TMEM131L: variants seen among roughly 807,000 people sequenced by gnomAD.
TMEM131L encodes transmembrane 131 like.
A neutral mutation model predicts 192.2 loss-of-function variants in TMEM131L; 54 were observed. The observed-to-expected ratio is 0.28, with a 90% CI of 0.23 to 0.35. The LOEUF (loss-of-function observed/expected upper bound fraction) is 0.35, where lower values mean the gene tolerates loss of function less well. TMEM131L is among the 10% of genes least tolerant of loss of function. The pLI is 1.00. For synonymous variants in TMEM131L, 701 were observed against 704.9 expected, an observed-to-expected ratio of 0.99 and a Z score of 0.09; for missense variants, 1,888 against 1,972.9, an observed-to-expected ratio of 0.96 and a Z score of 0.82.
Position 153,583,549 on chromosome 4 carries a change from T to TA in TMEM131L, c.952-15_952-14insA, listed in dbSNP as rs757989948. 6.9e-5 allele frequency: 108 copies of TA among 1,558,452 alleles called. No homozygotes were observed. The highest frequency in any genetic ancestry group is 6.3e-4 in the East Asian group (28 of 44,606). On this transcript the variant is annotated splice_polypyrimidine_tract_variant and intron_variant, in intron 10 of 34. Coordinates refer to ENST00000409959, the MANE Select transcript of TMEM131L (RefSeq NM_001131007.2). ...CAGCTGAGAGTAGTCACATGGGACTTTTCTTTTATTTCAGGATATACGCCA... is the reference window on the plus strand; with the variant it reads ...CAGCTGAGAGTAGTCACATGGGACTTATTCTTTTATTTCAGGATATACGCCA...
chr4:153,632,500 C>T (rs1042512223), intron 31 of TMEM131L: 4 of 524,878 alleles, frequency 7.6e-6, no homozygotes, highest in Non-Finnish European at 6.8e-6. Context: ...CTCATCTTGT[C>T]ATCCAGGTCA....
intron 3 of TMEM131L, among the ~76,000 whole-genome samples, chr4:153,542,995 C>T (rs1476575178): frequency 6.6e-6 from 1 of 152,220 alleles, no homozygotes; most frequent in African/African-American, 2.4e-5. Context: ...GCCATCAACA[C>T]GCTGGGCTGC....
intron 3 of TMEM131L, among the ~76,000 whole-genome samples, chr4:153,503,087 A>G (rs1050478517): frequency 3.9e-5 from 6 of 152,226 alleles, no homozygotes; most frequent in Admixed American, 1.3e-4. Context: ...CTTAAACTCT[A>G]TAAACTACAT....
chr4:153,491,221 G>A (rs1405559231), intron 3 of TMEM131L, among the ~76,000 whole-genome samples: 1 of 152,082 alleles, frequency 6.6e-6, no homozygotes, highest in Non-Finnish European at 1.5e-5. Flanking sequence ...ACTGGTGAAG[G>A]AAAGACATGT....
chr4:153,512,306 A>G (rs564267076), intron 3 of TMEM131L, among the ~76,000 whole-genome samples: 1 of 152,314 alleles, frequency 6.6e-6, no homozygotes, highest in South Asian at 2.1e-4. Context: ...AAGAGTCTAT[A>G]GTTTCTCCAG....
intron 3 of TMEM131L, among the ~76,000 whole-genome samples, chr4:153,505,465 A>T (rs1046704375): frequency 6.6e-6 from 1 of 152,056 alleles, no homozygotes; most frequent in African/African-American, 2.4e-5. Flanking sequence ...CACTTTGATG[A>T]CCTCATTTTA....
intron 26 of TMEM131L, 37 bp downstream of exon 26, chr4:153,612,437 C>G (rs754423253): frequency 6.6e-7 from 1 of 1,511,256 alleles, no homozygotes; most frequent in Admixed American, 2.1e-5. Context: ...AAAACAAAAT[C>G]CATTTTTAGG....
chr4:153,636,470 TC>T lies in TMEM131L; in HGVS notation c.4728del (p.Phe1576LeufsTer8), dbSNP rs771932614. On this transcript the variant is annotated frameshift_variant, in exon 35 of 35. Transcript: ENST00000409959. LOFTEE classifies it high-confidence loss of function. The stretch of plus-strand genomic sequence containing the variant: ...GTGTGCAAGGAATACTACCCGGGGT[TC>T]AACCCGTTTCGCGCCTATATGAACC... ...AVVCKEYYPG[F>X]NPFRAYMNLD... 6.2e-7 allele frequency: 1 copy of T among 1,614,228 alleles called. No individual in the cohort carries two copies. The highest frequency in any genetic ancestry group is 2.2e-5 in the East Asian group (1 of 44,888).
rs747862477 is a variant in TMEM131L at position 153,596,269 on chromosome 4, T to C, written c.2007T>C (p.Ser669=). ...TEACPYLGTH[S]EESRFGILHL... Reference sequence around the variant, plus strand: ...TTGTTAATTTGCAGGGTACGCATTCTGAGGAATCCAGGTTTGGCATCCTCC... The same window carrying C: ...TTGTTAATTTGCAGGGTACGCATTCCGAGGAATCCAGGTTTGGCATCCTCC... Residue 669 remains serine, a synonymous_variant, in exon 20 of 35, where the codon TCT becomes TCC. Coordinates refer to ENST00000409959, the MANE Select transcript of TMEM131L (RefSeq NM_001131007.2). 2 of 1,613,932 alleles carry C rather than the reference T, an allele frequency of 1.2e-6. No homozygotes were observed. The highest frequency in any genetic ancestry group is 1.1e-5 in the South Asian group (1 of 91,086).
chr4:153,623,135 T>C, intron 29 of TMEM131L, 52 bp downstream of exon 29: 1 of 1,464,362 alleles, frequency 6.8e-7, no homozygotes, highest in South Asian at 1.4e-5. Flanking sequence ...CCCTCTGCCC[T>C]CCCACGTACC....
rs138081529 is a variant in TMEM131L at position 153,612,173 on chromosome 4, A to G, written c.3419-79A>G. 5.0e-4 allele frequency: 509 copies of G among 1,008,278 alleles called. 3 individuals carry two copies. The African/African-American group carries it at 7.8e-3, about 16-fold the overall frequency. The allele number at this position is 1,008,278 out of a possible 1,614,324, so 62.5% of individuals were successfully genotyped here. On this transcript the variant is annotated intron_variant, in intron 25 of 34. Coordinates refer to ENST00000409959, the MANE Select transcript of TMEM131L (RefSeq NM_001131007.2). ...TTTAACTCTCATGAAGTCAAATTAG[A>G]TGTTTGGTGTAGGAAAGAAGATGGG...
rs76161292 is a variant in TMEM131L at position 153,610,324 on chromosome 4, C to T, written c.3419-1928C>T. Among the ~76,000 whole-genome samples, 466 of 152,318 alleles carry T rather than the reference C, an allele frequency of 3.1e-3. 7 individuals are homozygous for T. The highest frequency in any genetic ancestry group is 0.027 in the Admixed American group (416 of 15,296). The stretch of plus-strand genomic sequence containing the variant: ...AGCAGTTGATAGTGATCAGCTTTGT[C>T]TCTGGATATGACTTTGGCCATTGTA... On this transcript the variant is annotated intron_variant, in intron 25 of 34. Transcript: ENST00000409959.
rs370529661 is a variant in TMEM131L at position 153,621,651 on chromosome 4, T to A, written c.3693-32T>A. ...GCATGTGTACATGATAAAATACAGA[T>A]GTGTTTTTTTGTGTGTGTGTGTCTT... On this transcript the variant is annotated intron_variant, in intron 27 of 34. Coordinates refer to ENST00000409959, the MANE Select transcript of TMEM131L (RefSeq NM_001131007.2). 1.9e-6 allele frequency: 3 copies of A among 1,608,560 alleles called. No individual in the cohort carries two copies. The African/African-American group carries it at 4.0e-5, about 22-fold the overall frequency.
intron 3 of TMEM131L, among the ~76,000 whole-genome samples, chr4:153,478,956 C>T (rs1047420886): frequency 6.6e-6 from 1 of 152,158 alleles, no homozygotes; most frequent in Non-Finnish European, 1.5e-5. Flanking sequence ...CTTAAGAACC[C>T]ATACAGAGGA....
At position 153,591,082 on chromosome 4, in the gene TMEM131L, C is replaced by T; in HGVS notation, c.1700C>T (p.Ala567Val). The change falls in exon 17 of 35, where the codon GCT (alanine) becomes GTT (valine). Residue 567 changes from alanine to valine, a missense_variant. Coordinates refer to ENST00000409959, the MANE Select transcript of TMEM131L (RefSeq NM_001131007.2). ...KRNVLGTTRF[A>V]HLKKSKESES... ...AATGTTTTGGGAACAACTCGATTTGCTCACTTGAAGAAATCCAAGGAGTCA... is the reference window on the plus strand; with the variant it reads ...AATGTTTTGGGAACAACTCGATTTGTTCACTTGAAGAAATCCAAGGAGTCA... 6.3e-7 allele frequency: 1 copy of T among 1,597,120 alleles called. No homozygotes were observed. The highest frequency in any genetic ancestry group is 1.1e-5 in the South Asian group (1 of 88,764).
chr4:153,474,786 C>T (rs1277957941), intron 3 of TMEM131L, among the ~76,000 whole-genome samples: 1 of 152,128 alleles, frequency 6.6e-6, no homozygotes, highest in Non-Finnish European at 1.5e-5. Context: ...AAACTCCTGA[C>T]CTCAAGTGAT....
At chr4:153,574,585 T>G (rs1729809695) in intron 7 of TMEM131L, among the ~76,000 whole-genome samples, 1 of 152,182 alleles carries the variant, frequency 6.6e-6, no homozygotes, top group Non-Finnish European at 1.5e-5. Context: ...TCCAGATGCA[T>G]ATGTTGGCAT....
chr4:153,473,951 C>T (rs1343394457), intron 3 of TMEM131L, 63 bp downstream of exon 3: 5 of 1,136,616 alleles, frequency 4.4e-6, no homozygotes, highest in Non-Finnish European at 5.1e-6. Flanking sequence ...TGGGTGCTCT[C>T]TGAAGTCTCA....
chr4:153,481,685 GC>G (rs1268212688), intron 3 of TMEM131L, among the ~76,000 whole-genome samples: 1 of 151,800 alleles, frequency 6.6e-6, no homozygotes, highest in African/African-American at 2.4e-5. Context: ...ACAGTCACCT[GC>G]CACCACGGCT....
Sources: gnomAD v4.1 joint callset for allele counts (sites outside exome capture counted in the v4.1 genomes callset) on GRCh38, gnomAD v4.1.1 for gene constraint, MANE v1.5 for transcripts, NCBI Gene and HGNC (gene_info 2026-07-23, HGNC 2026-07-21) for gene names.